EPB41L4B: variants seen among roughly 807,000 people sequenced by gnomAD.
EPB41L4B encodes band 4.1-like protein 4B.
A neutral mutation model predicts 112.5 loss-of-function variants in EPB41L4B; 30 were observed. The observed-to-expected ratio is 0.27, with a 90% CI of 0.20 to 0.36. The LOEUF is 0.36. Ranked by LOEUF, EPB41L4B falls within the 10% of genes least tolerant of loss-of-function variation. The pLI, the probability that EPB41L4B is intolerant of heterozygous loss-of-function variation, is 1.00. For synonymous variants in EPB41L4B, 408 were observed against 439.7 expected (o/e 0.93, Z 0.90); for missense variants, 1,024 against 1,133.3 (o/e 0.90, Z 1.38).
At chr9:109,197,359 G>A (rs899660685) in intron 20 of EPB41L4B, among the ~76,000 whole-genome samples, 2 of 152,092 alleles carry the variant, frequency 1.3e-5, no homozygotes, top group Non-Finnish European at 2.9e-5. Context: ...GGGGGCGGAG[G>A]CTGCAGTGAG....
intron 18 of EPB41L4B, among the ~76,000 whole-genome samples, chr9:109,204,396 C>T (rs1487502762): frequency 6.6e-6 from 1 of 152,162 alleles, no homozygotes; most frequent in African/African-American, 2.4e-5. Flanking sequence ...GATTTCAAGC[C>T]TGCTGGCTTG....
intron 18 of EPB41L4B, among the ~76,000 whole-genome samples, chr9:109,205,126 T>C (rs532251143): frequency 1.3e-5 from 2 of 152,240 alleles, no homozygotes; most frequent in African/African-American, 2.4e-5. Flanking sequence ...GAAGCTGATG[T>C]GTACTGGGAC....
At position 109,213,686 on chromosome 9, in the gene EPB41L4B, C is replaced by G; in HGVS notation, c.1752+14G>C. 3.1e-6 allele frequency: 5 copies of G among 1,609,172 alleles called. No homozygotes were observed. Among genetic ancestry groups the G allele is most frequent in the Non-Finnish European group, 4.3e-6 (5 of 1,176,074 alleles). On this transcript the variant is annotated intron_variant, in intron 17 of 25. Transcript: ENST00000374566. The stretch of plus-strand genomic sequence containing the variant: ...CCAAGTCCATGGTCATGGCAGAGCC[C>G]CGGCCCTTGGCACCTTGTTTATGTT...
At chr9:109,285,608 G>T (rs1408453877) in intron 1 of EPB41L4B, among the ~76,000 whole-genome samples, 1 of 152,102 alleles carries the variant, frequency 6.6e-6, no homozygotes, top group African/African-American at 2.4e-5. Flanking sequence ...GGAATGGAGG[G>T]ATCCTCCAAA....
intron 16 of EPB41L4B, among the ~76,000 whole-genome samples, chr9:109,214,092 A>C (rs1304571476): frequency 6.6e-6 from 1 of 152,152 alleles, no homozygotes; most frequent in East Asian, 1.9e-4. Flanking sequence ...AATGAAAATA[A>C]AATTACTTAC....
intron 1 of EPB41L4B, among the ~76,000 whole-genome samples, chr9:109,313,160 G>T (rs1407523307): frequency 6.6e-6 from 1 of 152,042 alleles, no homozygotes; most frequent in Non-Finnish European, 1.5e-5. Flanking sequence ...TTGGTTTATG[G>T]GTATCTGTTT....
intron 7 of EPB41L4B, 77 bp from the exon 8 acceptor site, chr9:109,256,557 T>A (rs1202485373): frequency 3.2e-6 from 4 of 1,231,378 alleles, no homozygotes; most frequent in Non-Finnish European, 4.7e-6. Flanking sequence ...GGCCTTACTA[T>A]GGAACGTTAT....
At chr9:109,237,355 T>C (rs1039416001) in intron 15 of EPB41L4B, among the ~76,000 whole-genome samples, 1 of 152,192 alleles carries the variant, frequency 6.6e-6, no homozygotes, top group Non-Finnish European at 1.5e-5. Flanking sequence ...GTCAATACAC[T>C]GTTGGATGTT....
intron 15 of EPB41L4B, among the ~76,000 whole-genome samples, chr9:109,221,768 C>T (rs1248783411): frequency 6.6e-6 from 1 of 152,174 alleles, no homozygotes; most frequent in Non-Finnish European, 1.5e-5. Context: ...TGAGAATGAA[C>T]ACCCAAAGGG....
At position 109,253,484 on chromosome 9, in the gene EPB41L4B, C is replaced by A; in HGVS notation, c.1236G>T (p.Lys412Asn). 6.2e-7 allele frequency: 1 copy of A among 1,614,018 alleles called. No individual in the cohort carries two copies. The highest frequency in any genetic ancestry group is 8.5e-7 in the Non-Finnish European group (1 of 1,179,898). ...TCCGGGATGGATAACGTTTACTAGG[C>A]TTCCTCTCAAAGGTGCTGGTTCTTC... ...RLRRTSTFERKPSKRYPSRRH... is the reference protein window; with the variant it reads ...RLRRTSTFERNPSKRYPSRRH... Residue 412 changes from lysine to asparagine, a missense_variant, in exon 12 of 26, where the codon AAG becomes AAT. Physicochemically the swap from Lys to Asn is moderately conservative, Grantham distance 94. Coordinates refer to ENST00000374566, the MANE Select transcript of EPB41L4B (RefSeq NM_019114.5).
chr9:109,230,450 G>A (rs1176193184), intron 15 of EPB41L4B, among the ~76,000 whole-genome samples: 1 of 152,140 alleles, frequency 6.6e-6, no homozygotes, highest in Non-Finnish European at 1.5e-5. Context: ...TTGCATTTTT[G>A]GACATTAAGC....
intron 15 of EPB41L4B, among the ~76,000 whole-genome samples, chr9:109,229,004 CA>C (rs1363165157): frequency 2.6e-5 from 4 of 152,188 alleles, no homozygotes; most frequent in Non-Finnish European, 5.9e-5. Context: ...GATTATTTCA[CA>C]TTGCATACCT....
chr9:109,258,997 C>T (rs1835094556), intron 6 of EPB41L4B, among the ~76,000 whole-genome samples: 1 of 152,140 alleles, frequency 6.6e-6, no homozygotes, highest in Non-Finnish European at 1.5e-5. Flanking sequence ...AGGTGGCCCC[C>T]TCCTCCAGGG....
intron 15 of EPB41L4B, chr9:109,241,140 T>C (rs1834339676): frequency 1.0e-6 from 1 of 985,750 alleles, no homozygotes; most frequent in Non-Finnish European, 1.2e-6. Context: ...AAATGAAATG[T>C]TAACAAATTG....
At position 109,199,570 on chromosome 9, in the gene EPB41L4B, G is replaced by A. The variant is rs1189172682; in HGVS notation, c.2045+666C>T. 2.0e-5 allele frequency among the ~76,000 whole-genome samples: 3 copies of A among 152,342 alleles called. No individual in the cohort carries two copies. In the East Asian group the frequency reaches 5.8e-4, roughly 29 times the overall value. ...TGTAATCCCAACTACTTGGGAGGCTGAGGCAGGGGAATTGCTTGAACCTGG... is the reference window on the plus strand; with the variant it reads ...TGTAATCCCAACTACTTGGGAGGCTAAGGCAGGGGAATTGCTTGAACCTGG... On this transcript the variant is annotated intron_variant, in intron 20 of 25. Transcript: ENST00000374566.
chr9:109,195,152 C>T (rs564661495), intron 20 of EPB41L4B, among the ~76,000 whole-genome samples: 1 of 152,292 alleles, frequency 6.6e-6, no homozygotes, highest in South Asian at 2.1e-4. Flanking sequence ...GCTGGGGACT[C>T]CAGGCACATT....
chr9:109,233,617 G>A (rs552106468), intron 15 of EPB41L4B, among the ~76,000 whole-genome samples: 15 of 148,268 alleles, frequency 1.0e-4, no homozygotes, highest in African/African-American at 7.5e-5. Context: ...TGCAGCCTCC[G>A]CCTCCCGGGT....
At chr9:109,298,619 G>C (rs188136820) in intron 1 of EPB41L4B, among the ~76,000 whole-genome samples, 1 of 152,230 alleles carries the variant, frequency 6.6e-6, no homozygotes, top group Non-Finnish European at 1.5e-5. Flanking sequence ...GCCCATATAC[G>C]CATTTTTAAA....
chr9:109,247,062 T>C (rs1834584704), intron 14 of EPB41L4B, among the ~76,000 whole-genome samples: 2 of 151,924 alleles, frequency 1.3e-5, no homozygotes, highest in Admixed American at 1.3e-4. Context: ...GTGGTATTCA[T>C]GATAATAGCT....
Sources: gnomAD v4.1 joint callset for allele counts (sites outside exome capture counted in the v4.1 genomes callset) on GRCh38, gnomAD v4.1.1 for gene constraint, MANE v1.5 for transcripts, NCBI Gene and HGNC (gene_info 2026-07-23, HGNC 2026-07-21) for gene names.